PTPRT: variants seen among roughly 807,000 people sequenced by gnomAD.
PTPRT encodes receptor-type tyrosine-protein phosphatase T.
Under a neutral mutation model 176.8 loss-of-function variants are expected in PTPRT, and 56 were observed. The observed-to-expected ratio is 0.32, with a 90% CI of 0.26 to 0.40. The LOEUF (loss-of-function observed/expected upper bound fraction) is 0.40, where lower values mean the gene tolerates loss of function less well. Ranked by LOEUF, PTPRT falls within the 10% of genes least tolerant of loss-of-function variation. The pLI is 1.00. For synonymous variants in PTPRT, 783 were observed against 739.0 expected (o/e 1.06, Z -0.96); for missense variants, 1,540 against 1,908.2 (o/e 0.81, Z 3.60).
chr20:42,809,658 C>T (rs1384826224), intron 2 of PTPRT, among the ~76,000 whole-genome samples: 2 of 152,124 alleles, frequency 1.3e-5, no homozygotes, highest in African/African-American at 4.8e-5. Context: ...CCTCTTGCAG[C>T]CCGTGGTGGT....
chr20:42,220,243 G>A (rs6072660), intron 15 of PTPRT, among the ~76,000 whole-genome samples: 31,321 of 151,968 alleles, frequency 0.21, 3,614 homozygotes, highest in African/African-American at 0.27. Flanking sequence ...AAAGAAGATC[G>A]AATCAAACAA....
intron 1 of PTPRT, among the ~76,000 whole-genome samples, chr20:42,979,495 T>C (rs559411933): frequency 9.2e-5 from 14 of 152,328 alleles, no homozygotes; most frequent in East Asian, 1.9e-4. Context: ...TTGTAGACTT[T>C]GTTCTTTCTA....
rs1036718602 is a variant in PTPRT, at chr20:42,716,239, A to T, written c.860-38080T>A. Among the ~76,000 whole-genome samples the T allele has an allele frequency of 9.5e-4, 145 of 151,950 alleles. 1 individual carries two copies. The highest frequency in any genetic ancestry group is 4.0e-4 in the Non-Finnish European group (27 of 67,928). ...GTGAGCAAAAAAATAATTGCTATTT[A>T]AAAAAAAATTGCAGAGGGTATATAC... On this transcript the variant is annotated intron_variant, in intron 6 of 30. Transcript: ENST00000373187.
intron 9 of PTPRT, among the ~76,000 whole-genome samples, chr20:42,366,991 A>G (rs1311572179): frequency 6.6e-6 from 1 of 152,204 alleles, no homozygotes. Flanking sequence ...GTGTTTCTTT[A>G]TAGATGTAAT....
intron 13 of PTPRT, among the ~76,000 whole-genome samples, chr20:42,260,320 C>G (rs970887877): frequency 2.6e-5 from 4 of 152,204 alleles, no homozygotes; most frequent in African/African-American, 9.6e-5. Flanking sequence ...TGAGTCATCT[C>G]AGTGCTGACA....
At chr20:42,207,304 C>T (rs1173546918) in intron 15 of PTPRT, among the ~76,000 whole-genome samples, 5 of 151,900 alleles carry the variant, frequency 3.3e-5, no homozygotes, top group African/African-American at 1.2e-4. Context: ...ATGACTTTGA[C>T]GAGCTGAGAG....
At chr20:42,141,703 C>CCTG (rs144104706) in intron 18 of PTPRT, among the ~76,000 whole-genome samples, 3,168 of 152,276 alleles carry the variant, frequency 0.021, 103 homozygotes, top group African/African-American at 0.071. Context: ...CATCTCCCTG[C>CCTG]CTGCTCCCTC....
At chr20:42,381,014 A>AGGGAG (rs2058693954) in intron 9 of PTPRT, among the ~76,000 whole-genome samples, 1 of 151,972 alleles carries the variant, frequency 6.6e-6, no homozygotes, top group Non-Finnish European at 1.5e-5. Context: ...GGAGTAAGGG[A>AGGGAG]GGGAGGTGCT....
intron 11 of PTPRT, among the ~76,000 whole-genome samples, chr20:42,341,993 G>A (rs1449052988): frequency 1.3e-5 from 2 of 152,210 alleles, no homozygotes; most frequent in African/African-American, 4.8e-5. Flanking sequence ...GGAGGAAGGA[G>A]CCTTATAAAA....
intron 6 of PTPRT, among the ~76,000 whole-genome samples, chr20:42,736,847 C>A (rs1355585060): frequency 6.6e-6 from 1 of 152,004 alleles, no homozygotes; most frequent in African/African-American, 2.4e-5. Flanking sequence ...GGACCAGCCC[C>A]CAGCCTCTCA....
chr20:42,410,400 C>T (rs1175429189), intron 9 of PTPRT, among the ~76,000 whole-genome samples: 5 of 151,164 alleles, frequency 3.3e-5, no homozygotes, highest in South Asian at 2.1e-4. Context: ...TTACATAAAA[C>T]GAAACAAAAA....
At chr20:42,124,706 T>C (rs1461581539) in intron 19 of PTPRT, among the ~76,000 whole-genome samples, 4 of 152,186 alleles carry the variant, frequency 2.6e-5, no homozygotes, top group African/African-American at 9.7e-5. Context: ...GAGTACTGTT[T>C]TGCCAGGAAT....
chr20:42,319,341 A>T (rs868332365), intron 11 of PTPRT, among the ~76,000 whole-genome samples: 1 of 149,142 alleles, frequency 6.7e-6, no homozygotes, highest in South Asian at 2.1e-4. Flanking sequence ...ATTTTTTTTT[A>T]ACTTGGCATC....
Position 42,278,073 on chromosome 20 carries a change from CTATATATATATATATATA to C in PTPRT, c.2176+4398_2176+4415del, listed in dbSNP as rs777694770. Among the ~76,000 whole-genome samples the C allele has an allele frequency of 8.9e-3, 349 of 39,212 alleles. 8 individuals carry two copies. Among genetic ancestry groups the C allele is most frequent in the Middle Eastern group, 0.016 (1 of 64 alleles). The allele number at this position is 39,212 out of a possible 152,430, so 25.7% of individuals were successfully genotyped here. ...GATAGACATTAAACATGTAAGTAGA[CTATATATATATATATATA>C]TATATATATATATATATATATATAT... On this transcript the variant is annotated intron_variant, in intron 13 of 30. Coordinates refer to ENST00000373187, the MANE Select transcript of PTPRT (RefSeq NM_007050.6).
At chr20:42,105,131 A>G (rs1986316517) in intron 24 of PTPRT, among the ~76,000 whole-genome samples, 1 of 152,142 alleles carries the variant, frequency 6.6e-6, no homozygotes, top group African/African-American at 2.4e-5. Flanking sequence ...ACAGATGGAG[A>G]GTTGAGGATA....
intron 11 of PTPRT, among the ~76,000 whole-genome samples, chr20:42,318,970 C>T (rs1186614575): frequency 6.6e-6 from 1 of 152,142 alleles, no homozygotes; most frequent in Non-Finnish European, 1.5e-5. Context: ...GCATAAGATT[C>T]CATAGTTGTG....
intron 16 of PTPRT, among the ~76,000 whole-genome samples, chr20:42,169,792 A>ACACACACACACACAC (rs781141603): frequency 1.4e-4 from 13 of 95,352 alleles, no homozygotes; most frequent in Non-Finnish European, 2.6e-4. Context: ...ACACACACAC[A>ACACACACACACACAC]ACAGTCAGTA....
chr20:43,027,557 G>A (rs1329932813), intron 1 of PTPRT, among the ~76,000 whole-genome samples: 1 of 152,050 alleles, frequency 6.6e-6, no homozygotes, highest in Non-Finnish European at 1.5e-5. Context: ...TGGACAGAGA[G>A]AGAGACAGCA....
At chr20:42,640,669 C>A (rs184992874) in intron 7 of PTPRT, among the ~76,000 whole-genome samples, 1 of 151,998 alleles carries the variant, frequency 6.6e-6, no homozygotes, top group East Asian at 1.9e-4. Flanking sequence ...TGCCACCCAG[C>A]GAGAATCTTC....
Sources: gnomAD v4.1 joint callset for allele counts (sites outside exome capture counted in the v4.1 genomes callset) on GRCh38, gnomAD v4.1.1 for gene constraint, MANE v1.5 for transcripts, NCBI Gene and HGNC (gene_info 2026-07-23, HGNC 2026-07-21) for gene names.